The following GNAQ variants were observed in gnomAD, a reference collection of about 807,000 sequenced individuals.
GNAQ encodes the protein guanine nucleotide-binding protein G(q) subunit alpha.
Under a neutral mutation model 43.9 loss-of-function variants are expected in GNAQ, and 8 were observed. The ratio of observed to expected loss-of-function variants is 0.18; its 90% CI spans 0.11 to 0.33. The LOEUF (loss-of-function observed/expected upper bound fraction) is 0.33. Ranked by LOEUF, GNAQ falls within the 10% of genes least tolerant of loss-of-function variation. The probability of loss-of-function intolerance (pLI) is 1.00; values close to 1 mark genes in which losing one functional copy is unlikely to be tolerated. For missense variants in GNAQ, 158 were observed against 450.8 expected (o/e 0.35, Z 5.88); for synonymous variants, 155 against 170.7 (o/e 0.91, Z 0.71).
chr9:77,854,987 A>C (rs1827729321), intron 2 of GNAQ, among the ~76,000 whole-genome samples: 1 of 152,220 alleles, frequency 6.6e-6, no homozygotes, highest in Non-Finnish European at 1.5e-5. Flanking sequence ...GAGAATATTT[A>C]ATAAAGCTCT....
intron 1 of GNAQ, among the ~76,000 whole-genome samples, chr9:77,948,788 A>G (rs911176647): frequency 3.9e-5 from 6 of 152,164 alleles, no homozygotes; most frequent in Non-Finnish European, 7.4e-5. Context: ...GAATATTCCT[A>G]CAGCCACTGA....
intron 2 of GNAQ, among the ~76,000 whole-genome samples, chr9:77,903,060 G>A (rs181502206): frequency 4.7e-4 from 71 of 152,216 alleles, no homozygotes; most frequent in Non-Finnish European, 8.1e-4. Context: ...GCAAAGCCTG[G>A]AAGAAGTGCC....
chr9:78,027,381 G>C (rs540613425), intron 1 of GNAQ, among the ~76,000 whole-genome samples: 1 of 152,064 alleles, frequency 6.6e-6, no homozygotes, highest in African/African-American at 2.4e-5. Context: ...AGCATTCTAC[G>C]AGTTAGATAC....
At chr9:77,831,260 T>C (rs548525979) in intron 2 of GNAQ, among the ~76,000 whole-genome samples, 2 of 152,324 alleles carry the variant, frequency 1.3e-5, no homozygotes, top group African/African-American at 2.4e-5. Flanking sequence ...CACAAAGGAT[T>C]AAAAATTTTC....
chr9:77,892,575 C>A (rs1828422976), intron 2 of GNAQ, among the ~76,000 whole-genome samples: 1 of 152,166 alleles, frequency 6.6e-6, no homozygotes, highest in African/African-American at 2.4e-5. Context: ...GATGTGAAAT[C>A]CTCGGTGCTG....
intron 2 of GNAQ, among the ~76,000 whole-genome samples, chr9:77,918,963 A>T (rs1828956773): frequency 6.6e-6 from 1 of 152,208 alleles, no homozygotes; most frequent in Non-Finnish European, 1.5e-5. Context: ...TCTGTTGCCC[A>T]GGCTGCAGCG....
intron 5 of GNAQ, among the ~76,000 whole-genome samples, chr9:77,731,927 A>G (rs1825497127): frequency 6.6e-6 from 1 of 152,172 alleles, no homozygotes; most frequent in African/African-American, 2.4e-5. Flanking sequence ...ATGCTATATG[A>G]TGTTTTCCAT....
At chr9:77,859,222 T>C (rs191544150) in intron 2 of GNAQ, among the ~76,000 whole-genome samples, 16 of 152,174 alleles carry the variant, frequency 1.1e-4, no homozygotes, top group Admixed American at 2.0e-4. Context: ...TATAACGTAA[T>C]TGTAACACCT....
chr9:77,989,310 T>C (rs1823480382), intron 1 of GNAQ, among the ~76,000 whole-genome samples: 1 of 152,170 alleles, frequency 6.6e-6, no homozygotes, highest in African/African-American at 2.4e-5. Flanking sequence ...CCAAATCAGT[T>C]AGGGCACCCA....
At chr9:78,021,013 T>C (rs1254201509) in intron 1 of GNAQ, among the ~76,000 whole-genome samples, 1 of 150,962 alleles carries the variant, frequency 6.6e-6, no homozygotes, top group Non-Finnish European at 1.5e-5. Context: ...AGAGTCTTTG[T>C]CCAGAATGCA....
chr9:77,783,028 A>C (rs912688791), intron 5 of GNAQ, among the ~76,000 whole-genome samples: 6 of 152,258 alleles, frequency 3.9e-5, no homozygotes, highest in African/African-American at 1.4e-4. Context: ...GAGCATTTTT[A>C]GGGCAGTGAA....
chr9:77,799,404 G>A (rs1826708084), intron 3 of GNAQ, among the ~76,000 whole-genome samples: 1 of 152,164 alleles, frequency 6.6e-6, no homozygotes, highest in Admixed American at 6.5e-5. Context: ...CCTACCCAGG[G>A]TAGGGACTCT....
chr9:77,934,229 C>G (rs529115373), intron 1 of GNAQ, among the ~76,000 whole-genome samples: 28 of 152,206 alleles, frequency 1.8e-4, no homozygotes, highest in Non-Finnish European at 3.7e-4. Context: ...GCGAATTGGC[C>G]TGGATGACCT....
At position 77,882,892 on chromosome 9, in the gene GNAQ, G is replaced by A. The variant is rs529503771; in HGVS notation, c.321+39269C>T. ...TTACTGTTTCTGAGGGAAACTATCT[G>A]AGCATTTAACTTATTCTCATGATTT... On this transcript the variant is annotated intron_variant, in intron 2 of 6. Coordinates refer to ENST00000286548, the MANE Select transcript of GNAQ (RefSeq NM_002072.5). Among the ~76,000 whole-genome samples, 3 of 152,188 alleles carry A rather than the reference G, an allele frequency of 2.0e-5. No individual in the cohort carries two copies. The East Asian group carries it at 5.8e-4, about 29-fold the overall frequency.
chr9:77,887,478 T>C (rs1828327912), intron 2 of GNAQ, among the ~76,000 whole-genome samples: 1 of 152,224 alleles, frequency 6.6e-6, no homozygotes, highest in African/African-American at 2.4e-5. Context: ...ACTATTTGCT[T>C]GCTTTACTCC....
At chr9:77,765,503 G>A (rs1453560324) in intron 5 of GNAQ, among the ~76,000 whole-genome samples, 3 of 152,042 alleles carry the variant, frequency 2.0e-5, no homozygotes, top group South Asian at 2.1e-4. Context: ...AACGGCCAAC[G>A]AACACATGAA....
intron 5 of GNAQ, among the ~76,000 whole-genome samples, chr9:77,747,378 T>C (rs990546162): frequency 6.6e-6 from 1 of 152,168 alleles, no homozygotes; most frequent in African/African-American, 2.4e-5. Context: ...CTACTTTTGA[T>C]CCTGAATACC....
chr9:77,776,699 A>G (rs1826310672), intron 5 of GNAQ, among the ~76,000 whole-genome samples: 1 of 152,166 alleles, frequency 6.6e-6, no homozygotes, highest in Admixed American at 6.5e-5. Context: ...ATATCCACAA[A>G]CAAAAACACA....
At chr9:78,022,100 C>A (rs1356384152) in intron 1 of GNAQ, among the ~76,000 whole-genome samples, 1 of 152,172 alleles carries the variant, frequency 6.6e-6, no homozygotes. Flanking sequence ...TCAAAGTGCT[C>A]CCCACTGCAG....
Sources: gnomAD v4.1 joint callset for allele counts (sites outside exome capture counted in the v4.1 genomes callset) on GRCh38, gnomAD v4.1.1 for gene constraint, MANE v1.5 for transcripts, NCBI Gene and HGNC (gene_info 2026-07-23, HGNC 2026-07-21) for gene names.